CEP120: variants seen among roughly 807,000 people sequenced by gnomAD.
CEP120 encodes the protein centrosomal protein of 120 kDa.
Under a neutral mutation model 126.5 loss-of-function variants are expected in CEP120, and 113 were observed. The ratio of observed to expected loss-of-function variants is 0.89; its 90% CI spans 0.77 to 1.04. The LOEUF (loss-of-function observed/expected upper bound fraction) is 1.04, where lower values mean the gene tolerates loss of function less well. Among genes scored for constraint, CEP120 ranks in the 50% least tolerant of loss-of-function variants. The pLI, the probability that CEP120 is intolerant of heterozygous loss-of-function variation, is 0.00. For missense variants in CEP120, 1,230 were observed against 1,155.7 expected, an observed-to-expected ratio of 1.06 and a Z score of -0.93; for synonymous variants, 400 against 394.3, an observed-to-expected ratio of 1.01 and a Z score of -0.17.
intron 5 of CEP120, among the ~76,000 whole-genome samples, chr5:123,393,717 TTTATG>T (rs1441566913): frequency 3.3e-5 from 5 of 152,196 alleles, no homozygotes; most frequent in African/African-American, 1.2e-4. Flanking sequence ...ACTTTATAGA[TTTATG>T]TTGTTTTAAA....
intron 7 of CEP120, chr5:123,390,390 A>G: frequency 1.8e-6 from 1 of 558,092 alleles, no homozygotes; most frequent in East Asian, 4.2e-5. Flanking sequence ...GGGATATTTG[A>G]GAAAAGAAGT....
intron 4 of CEP120, chr5:123,401,533 G>C: frequency 7.7e-7 from 1 of 1,302,440 alleles, no homozygotes; most frequent in Admixed American, 1.7e-5. Context: ...TGCGGTTGGC[G>C]ATCTCCTCGT....
At chr5:123,411,903 G>T (rs193209467) in intron 4 of CEP120, among the ~76,000 whole-genome samples, 2 of 152,308 alleles carry the variant, frequency 1.3e-5, no homozygotes, top group African/African-American at 4.8e-5. Context: ...CACCACTCTG[G>T]TGTGGCATGT....
chr5:123,382,615 T>C (rs894158365), intron 13 of CEP120, 122 bp downstream of exon 13: 12 of 886,250 alleles, frequency 1.4e-5, no homozygotes, highest in African/African-American at 3.5e-5. Context: ...TAAAGCATTG[T>C]TGACATTCAA....
chr5:123,399,624 A>C (rs1483156101), intron 4 of CEP120, among the ~76,000 whole-genome samples: 2 of 152,192 alleles, frequency 1.3e-5, no homozygotes, highest in African/African-American at 4.8e-5. Context: ...CTGAACAGGG[A>C]ATGGGGGAGT....
intron 4 of CEP120, chr5:123,402,244 T>C: frequency 6.7e-7 from 1 of 1,500,826 alleles, no homozygotes; most frequent in Non-Finnish European, 9.2e-7. Context: ...CTTGAGGAGC[T>C]GATGTGGGCA....
chr5:123,396,196 C>T (rs78557471), intron 5 of CEP120, among the ~76,000 whole-genome samples: 8,717 of 151,992 alleles, frequency 0.057, 341 homozygotes, highest in South Asian at 0.099. Context: ...TTTATCCATT[C>T]ATCTATTGAG....
chr5:123,401,315 T>A, intron 4 of CEP120: 1 of 1,605,356 alleles, frequency 6.2e-7, no homozygotes, highest in South Asian at 1.1e-5. Context: ...AATGGCCAGC[T>A]CTCCACACTG....
intron 18 of CEP120, among the ~76,000 whole-genome samples, chr5:123,363,760 A>C (rs1260084804): frequency 2.0e-5 from 3 of 151,556 alleles, no homozygotes; most frequent in Non-Finnish European, 3.0e-5. Context: ...ATTAAGAAAA[A>C]TACAAACCTG....
At position 123,346,272 on chromosome 5, in the gene CEP120, A is replaced by C; in HGVS notation, c.*247T>G. ...GAAAGTTAGTTAGCCATCAGATTAT[A>C]AACTATGAAAAACACTGAAAAGTCA... On this transcript the variant is annotated 3_prime_UTR_variant, in exon 20 of 20. Transcript: ENST00000306467. 1 of 383,472 alleles carries C rather than the reference A, an allele frequency of 2.6e-6. No homozygotes were observed. Among genetic ancestry groups the C allele is most frequent in the Non-Finnish European group, 4.6e-6 (1 of 215,282 alleles). The allele number at this position is 383,472 out of a possible 1,614,324, so 23.8% of individuals were successfully genotyped here.
At chr5:123,420,315 T>C (rs1048423513) in intron 1 of CEP120, among the ~76,000 whole-genome samples, 2 of 152,246 alleles carry the variant, frequency 1.3e-5, no homozygotes, top group Admixed American at 6.5e-5. Flanking sequence ...CCTGCCTTGC[T>C]GCAGACAATG....
rs532131200 is a variant in CEP120 at position 123,409,726 on chromosome 5, G to A, written c.463+2673C>T. 2.6e-3 allele frequency among the ~76,000 whole-genome samples: 401 copies of A among 152,240 alleles called. 3 individuals carry two copies. The highest frequency in any genetic ancestry group is 9.3e-3 in the African/African-American group (387 of 41,540). On this transcript the variant is annotated intron_variant, in intron 4 of 19. Coordinates refer to ENST00000306467, the MANE Select transcript of CEP120 (RefSeq NM_001375405.1). ...TAAGCCCAGCACTTTGGGAGGCCGA[G>A]GCAGGCGGATCACCTGAGGTCAGTA...
rs571744251 is a variant in CEP120 at position 123,383,241 on chromosome 5, C to CTTCCATA, written c.1764-166_1764-160dup. On this transcript the variant is annotated intron_variant, in intron 11 of 19. Transcript: ENST00000306467. The stretch of plus-strand genomic sequence containing the variant: ...CAGCAACTTCTGTAGGCTTCAACAC[C>CTTCCATA]TTCCATATATATATAAATTGATCAT... Among the ~76,000 whole-genome samples the CTTCCATA allele has an allele frequency of 9.0e-4, 137 of 152,144 alleles. No individual in the cohort carries two copies. In the Middle Eastern group the frequency reaches 0.01, roughly 11 times the overall value.
intron 17 of CEP120, among the ~76,000 whole-genome samples, chr5:123,364,809 A>G (rs1373433918): frequency 6.6e-6 from 1 of 151,648 alleles, no homozygotes; most frequent in Admixed American, 6.6e-5. Flanking sequence ...CTAACAGTCT[A>G]TCCTAAAAAG....
At chr5:123,388,992 G>A (rs932163014) in intron 8 of CEP120, among the ~76,000 whole-genome samples, 2 of 152,064 alleles carry the variant, frequency 1.3e-5, no homozygotes, top group East Asian at 1.9e-4. Context: ...AGTAATTTTG[G>A]TTATTTTAGG....
rs150132498 is a variant in CEP120 at position 123,383,015 on chromosome 5, G to C, written c.1831C>G (p.Arg611Gly). ...TLEDYGLVKM[R>G]EIFISDSSQG... is the part of the protein sequence containing the mutation. The stretch of plus-strand genomic sequence containing the variant: ...GATGAATCAGAGATAAAAATCTCAC[G>C]CATTTTTACTAGTCCATAATCTTCT... The change falls in exon 12 of 20, where the codon CGT (arginine) becomes GGT (glycine). Residue 611 changes from arginine to glycine, a missense_variant. By Grantham distance (125) the Arg-to-Gly change is moderately radical. Transcript: ENST00000306467. 2.5e-6 allele frequency: 4 copies of C among 1,592,544 alleles called. No homozygotes were observed. The highest frequency in any genetic ancestry group is 3.4e-6 in the Non-Finnish European group (4 of 1,162,782).
At chr5:123,421,727 T>C (rs1774728947) in intron 1 of CEP120, among the ~76,000 whole-genome samples, 1 of 152,134 alleles carries the variant, frequency 6.6e-6, no homozygotes, top group Non-Finnish European at 1.5e-5. Context: ...ATGGAGGTAT[T>C]TGTTTCCTCA....
chr5:123,353,435 C>T (rs1769344177), intron 18 of CEP120, among the ~76,000 whole-genome samples: 1 of 151,382 alleles, frequency 6.6e-6, no homozygotes, highest in South Asian at 2.1e-4. Flanking sequence ...AAACTTGTAT[C>T]TTTAATGTTT....
At chr5:123,373,484 T>C (rs1306842470) in intron 16 of CEP120, among the ~76,000 whole-genome samples, 2 of 152,014 alleles carry the variant, frequency 1.3e-5, no homozygotes, top group African/African-American at 4.8e-5. Context: ...TTGCCCAGTG[T>C]CCAAAGAACA....
Sources: allele counts gnomAD v4.1 joint callset (sites outside exome capture counted in the v4.1 genomes callset), GRCh38; gene constraint gnomAD v4.1.1; transcripts MANE v1.5; gene names NCBI Gene and HGNC (gene_info 2026-07-23, HGNC 2026-07-21).